FAM184A: variants seen among roughly 807,000 people sequenced by gnomAD.
The protein encoded by FAM184A is protein FAM184A.
A neutral mutation model predicts 143.8 loss-of-function variants in FAM184A; 99 were observed. The observed-to-expected ratio is 0.69, with a 90% CI of 0.58 to 0.81. The LOEUF is 0.81. Ranked by LOEUF, FAM184A falls within the 40% of genes least tolerant of loss-of-function variation. The pLI, the probability that FAM184A is intolerant of heterozygous loss-of-function variation, is 0.00. For missense variants in FAM184A, 1,217 were observed against 1,310.5 expected (o/e 0.93, Z 1.10); for synonymous variants, 427 against 446.4 (o/e 0.96, Z 0.55).
intron 15 of FAM184A, among the ~76,000 whole-genome samples, chr6:118,965,995 G>A (rs1367107595): frequency 6.6e-6 from 1 of 152,122 alleles, no homozygotes; most frequent in Admixed American, 6.6e-5. Context: ...GATTGAAGCA[G>A]CACACACTCA....
chr6:119,118,060 T>G (rs569532360), intron 1 of FAM184A, among the ~76,000 whole-genome samples: 11 of 152,336 alleles, frequency 7.2e-5, no homozygotes, highest in African/African-American at 2.6e-4. Flanking sequence ...CTTTCTGGAT[T>G]GCTGTATATG....
chr6:119,046,017 T>C lies in FAM184A; in HGVS notation c.160-21204A>G, dbSNP rs1562126280. 2.0e-5 allele frequency among the ~76,000 whole-genome samples: 3 copies of C among 152,178 alleles called. No individual in the cohort carries two copies. The South Asian group carries it at 6.2e-4, about 31-fold the overall frequency. On this transcript the variant is annotated intron_variant, in intron 1 of 17. Transcript: ENST00000338891. The stretch of plus-strand genomic sequence containing the variant: ...CACTATTCATTGTAGAAAATTTGGA[T>C]AATATATTAAAAACAAAAGGAATAA...
At chr6:119,015,420 C>T (rs1004910314) in intron 5 of FAM184A, among the ~76,000 whole-genome samples, 6 of 152,128 alleles carry the variant, frequency 3.9e-5, no homozygotes, top group African/African-American at 9.7e-5. Flanking sequence ...ACACTCAGAG[C>T]GGCCGGCCGG....
At chr6:119,006,279 A>T (rs528161185) in intron 7 of FAM184A, 168 bp downstream of exon 7, 3 of 767,472 alleles carry the variant, frequency 3.9e-6, no homozygotes, top group East Asian at 2.5e-5. Context: ...ATGAGAGAAT[A>T]AATTTCTGTT....
intron 1 of FAM184A, among the ~76,000 whole-genome samples, chr6:119,059,556 T>C (rs985410061): frequency 3.3e-5 from 5 of 152,222 alleles, no homozygotes; most frequent in African/African-American, 1.2e-4. Flanking sequence ...GGTTTCCAAC[T>C]TATTTGTTTT....
intron 1 of FAM184A, among the ~76,000 whole-genome samples, chr6:119,108,151 G>GTGTGTGTGT (rs1554197077): frequency 7.7e-6 from 1 of 130,268 alleles, no homozygotes; most frequent in Non-Finnish European, 1.7e-5. Flanking sequence ...GTGTGTGTGT[G>GTGTGTGTGT]GTGTGTAGGG....
intron 1 of FAM184A, among the ~76,000 whole-genome samples, chr6:119,045,377 T>C (rs547817449): frequency 1.3e-3 from 200 of 151,302 alleles, no homozygotes; most frequent in African/African-American, 4.7e-3. Flanking sequence ...TTTTAAACAC[T>C]TGTTTTCTAA....
intron 14 of FAM184A, among the ~76,000 whole-genome samples, chr6:118,973,587 T>C (rs1783760497): frequency 6.6e-6 from 1 of 152,142 alleles, no homozygotes. Flanking sequence ...TGGATATATA[T>C]ATATTTGATT....
At chr6:118,970,996 T>TTAGAACCAAAAATGAAACCAAAAATG (rs1190216822) in intron 14 of FAM184A, among the ~76,000 whole-genome samples, 2 of 152,236 alleles carry the variant, frequency 1.3e-5, no homozygotes, top group Non-Finnish European at 2.9e-5. Context: ...GGTATACTAT[T>TTAGAACCAAAAATGAAACCAAAAATG]GTTTCATAAC....
rs1784904302 is a variant in FAM184A, at chr6:119,005,956, G to A, written c.1815+491C>T. 5.1e-6 allele frequency: 3 copies of A among 590,310 alleles called. No individual in the cohort carries two copies. The South Asian group carries it at 6.6e-5, about 13-fold the overall frequency. 36.6% of individuals were successfully genotyped at this position (590,310 alleles called of 1,614,324 possible). ...CGTTCCAATTGTTATCGGTTGAACT[G>A]GGTCCCCAAAAAGATATACCGAAGT... On this transcript the variant is annotated intron_variant, in intron 7 of 17. Coordinates refer to ENST00000338891, the MANE Select transcript of FAM184A (RefSeq NM_024581.6).
In FAM184A at chr6:118,966,919, T is replaced by G; in HGVS notation, c.2949A>C (p.Arg983Ser). The G allele has an allele frequency of 6.4e-7, 1 of 1,572,982 alleles. No individual in the cohort carries two copies. The highest frequency in any genetic ancestry group is 8.7e-7 in the Non-Finnish European group (1 of 1,146,974). The change falls in exon 15 of 18, where the codon AGA (arginine) becomes AGC (serine). Residue 983 changes from arginine to serine, a missense_variant. Coordinates refer to ENST00000338891, the MANE Select transcript of FAM184A (RefSeq NM_024581.6). ...LEEMEEKYLM[R>S]ESKPEDIQMI... ...TCTGTATATCTTCTGGTTTTGATTC[T>G]CTCATTAGATATTTTTCTTCCATTT...
intron 1 of FAM184A, among the ~76,000 whole-genome samples, chr6:119,103,245 T>G (rs1258620516): frequency 6.6e-6 from 1 of 152,202 alleles, no homozygotes; most frequent in Non-Finnish European, 1.5e-5. Context: ...AGGACACTGA[T>G]GAGTGTAGAG....
chr6:119,116,041 G>A (rs903058566), intron 1 of FAM184A, among the ~76,000 whole-genome samples: 1 of 149,250 alleles, frequency 6.7e-6, no homozygotes, highest in South Asian at 2.1e-4. Context: ...AGAGAGCAGG[G>A]ACTAGAGACT....
chr6:119,011,807 A>G (rs976941927), intron 5 of FAM184A, among the ~76,000 whole-genome samples: 5 of 152,206 alleles, frequency 3.3e-5, no homozygotes, highest in African/African-American at 9.6e-5. Context: ...TCTACAAATC[A>G]GTGGTCTAGC....
At chr6:119,026,462 C>G (rs770901177) in intron 1 of FAM184A, among the ~76,000 whole-genome samples, 1 of 152,038 alleles carries the variant, frequency 6.6e-6, no homozygotes, top group South Asian at 2.1e-4. Flanking sequence ...TGTGATATAA[C>G]AAGTGTACCA....
intron 1 of FAM184A, among the ~76,000 whole-genome samples, chr6:119,043,768 T>C (rs767205937): frequency 6.6e-6 from 1 of 152,228 alleles, no homozygotes; most frequent in Non-Finnish European, 1.5e-5. Flanking sequence ...TCAAAACTTG[T>C]AGGATGCAGC....
intron 9 of FAM184A, among the ~76,000 whole-genome samples, chr6:118,999,429 C>T (rs981286501): frequency 6.6e-6 from 1 of 152,158 alleles, no homozygotes; most frequent in Admixed American, 6.5e-5. Context: ...AGGTTTTCCA[C>T]AATAACCTCT....
intron 1 of FAM184A, among the ~76,000 whole-genome samples, chr6:119,028,227 A>G (rs1785737944): frequency 6.6e-6 from 1 of 152,076 alleles, no homozygotes; most frequent in South Asian, 2.1e-4. Flanking sequence ...CACTGCAAAA[A>G]CCTTGATGTG....
At chr6:119,087,615 G>A (rs148475731) in intron 1 of FAM184A, among the ~76,000 whole-genome samples, 1 of 152,198 alleles carries the variant, frequency 6.6e-6, no homozygotes, top group Non-Finnish European at 1.5e-5. Flanking sequence ...GTGGTACATG[G>A]AGAAATTGGG....
Sources: gnomAD v4.1 joint callset for allele counts (sites outside exome capture counted in the v4.1 genomes callset) on GRCh38, gnomAD v4.1.1 for gene constraint, MANE v1.5 for transcripts, NCBI Gene and HGNC (gene_info 2026-07-23, HGNC 2026-07-21) for gene names.